ACTN2: variants seen among roughly 807,000 people sequenced by gnomAD.
The protein encoded by ACTN2 is alpha-actinin-2.
ACTN2 carries 39 observed loss-of-function variants against 113.8 expected under a neutral mutation model. That is an observed-to-expected ratio of 0.34 (90% CI 0.27 to 0.45). ACTN2 has a LOEUF of 0.45. Among genes scored for constraint, ACTN2 ranks in the 20% least tolerant of loss-of-function variants. The probability of loss-of-function intolerance (pLI) is 1.00; values close to 1 mark genes in which losing one functional copy is unlikely to be tolerated. For missense variants in ACTN2, 992 were observed against 1,177.9 expected (o/e 0.84, Z 2.31); for synonymous variants, 429 against 444.1 (o/e 0.97, Z 0.43).
chr1:236,701,735 G>A (rs1011174473), intron 1 of ACTN2, among the ~76,000 whole-genome samples: 2 of 152,204 alleles, frequency 1.3e-5, no homozygotes, highest in African/African-American at 4.8e-5. Flanking sequence ...AGTCCTGTCT[G>A]TAGATTTGCT....
Position 236,686,619 on chromosome 1 carries a change from A to C in ACTN2, c.-55A>C. 1 of 1,500,560 alleles carries C rather than the reference A, an allele frequency of 6.7e-7. No individual in the cohort carries two copies. The allele number at this position is 1,500,560 out of a possible 1,614,324, so 93.0% of individuals were successfully genotyped here. On this transcript the variant is annotated 5_prime_UTR_variant, in exon 1 of 21. Coordinates refer to ENST00000366578, the MANE Select transcript of ACTN2 (RefSeq NM_001103.4). The stretch of plus-strand genomic sequence containing the variant: ...GCCTCCGTGGGTCCGTTTGCCAGTC[A>C]GCCCGTGCGTCCGAGCCCCTCGCGC...
chr1:236,701,377 G>A (rs1372810409), intron 1 of ACTN2, among the ~76,000 whole-genome samples: 4 of 151,986 alleles, frequency 2.6e-5, no homozygotes, highest in African/African-American at 7.3e-5. Flanking sequence ...TGAGATATAT[G>A]TATATATATC....
Position 236,755,077 on chromosome 1 carries a change from T to G in ACTN2, c.2033T>G (p.Leu678Arg). Residue 678 changes from leucine to arginine, a missense_variant, in exon 17 of 21, where the codon CTG becomes CGG. This residue lies in a region of ACTN2 where 736 missense variants were observed against 815.4 expected (regional missense o/e 0.90). Coordinates refer to ENST00000366578, the MANE Select transcript of ACTN2 (RefSeq NM_001103.4). ...GCCCTGGAAGACCAGATGAACCAGC[T>G]GAAGCAGTATGAGCACAACATCATC... ...TGALEDQMNQ[L>R]KQYEHNIINY... 2 of 1,614,212 alleles carry G rather than the reference T, an allele frequency of 1.2e-6. No homozygotes were observed. Among genetic ancestry groups the G allele is most frequent in the Non-Finnish European group, 1.7e-6 (2 of 1,180,042 alleles).
rs139694189 is a variant in ACTN2 at position 236,731,633 on chromosome 1, T to G, written c.697+319T>G. ...AAAAAAACATTTCCTGTATTTATTTTTTCCAACAACATAATGTTTTCTCCC... is the reference window on the plus strand; with the variant it reads ...AAAAAAACATTTCCTGTATTTATTTGTTCCAACAACATAATGTTTTCTCCC... On this transcript the variant is annotated intron_variant, in intron 7 of 20. Coordinates refer to ENST00000366578, the MANE Select transcript of ACTN2 (RefSeq NM_001103.4). 6.5e-3 allele frequency among the ~76,000 whole-genome samples: 983 copies of G among 152,362 alleles called. 10 individuals carry two copies. Among genetic ancestry groups the G allele is most frequent in the African/African-American group, 0.022 (914 of 41,588 alleles).
At position 236,757,572 on chromosome 1, in the gene ACTN2, G is replaced by A. The variant is rs767011628; in HGVS notation, c.2241G>A (p.Ala747=). The change falls in exon 18 of 21, where the codon GCG becomes GCA. Residue 747 remains alanine (A), a synonymous_variant. Coordinates refer to ENST00000366578, the MANE Select transcript of ACTN2 (RefSeq NM_001103.4). ...AGACTCAGATCCTGACGAGAGATGC[G>A]AAGGGCATCACCCAGGAGCAGATGA... The part of the protein sequence containing the change: ...EVETQILTRD[A]KGITQEQMNE... 13 of 1,614,050 alleles carry A rather than the reference G, an allele frequency of 8.1e-6. No individual in the cohort carries two copies. Among genetic ancestry groups the A allele is most frequent in the Admixed American group, 3.3e-5 (2 of 59,998 alleles).
chr1:236,757,707 C>G (rs1053950770), intron 18 of ACTN2, 75 bp downstream of exon 18: 1 of 1,570,360 alleles, frequency 6.4e-7, no homozygotes, highest in Non-Finnish European at 8.8e-7. Context: ...TGCATGCTCT[C>G]GTTTTAAGTC....
At chr1:236,723,586 C>T (rs1169969321) in intron 4 of ACTN2, among the ~76,000 whole-genome samples, 1 of 152,136 alleles carries the variant, frequency 6.6e-6, no homozygotes, top group Non-Finnish European at 1.5e-5. Context: ...CTGCCTTAGC[C>T]TCCCAAGTAG....
chr1:236,741,058 T>A (rs1659053625), intron 10 of ACTN2, among the ~76,000 whole-genome samples: 1 of 152,150 alleles, frequency 6.6e-6, no homozygotes, highest in Admixed American at 6.5e-5. Context: ...TTTTCCTTTT[T>A]TTTAAAAACA....
rs1659788848 is a variant in ACTN2 at position 236,764,417 on chromosome 1, A to G, written c.*1798A>G. 1 of 152,198 alleles carries G rather than the reference A, an allele frequency of 6.6e-6. No homozygotes were observed. Among genetic ancestry groups the G allele is most frequent in the Non-Finnish European group, 1.5e-5 (1 of 68,034 alleles). 9.4% of individuals were successfully genotyped at this position (152,198 alleles called of 1,614,324 possible). On this transcript the variant is annotated 3_prime_UTR_variant, in exon 21 of 21. Coordinates refer to ENST00000366578, the MANE Select transcript of ACTN2 (RefSeq NM_001103.4). The stretch of plus-strand genomic sequence containing the variant: ...GTTTTAGGATGGGTGTGGGTAACTC[A>G]TCTACCTAAACTTTTAATTTCTTTA...
intron 1 of ACTN2, among the ~76,000 whole-genome samples, chr1:236,689,936 TAACTG>T (rs1030867911): frequency 1.8e-4 from 28 of 152,342 alleles, no homozygotes; most frequent in African/African-American, 6.7e-4. Flanking sequence ...ACGCTGTCCT[TAACTG>T]TACTGGGAGG....
chr1:236,749,377 A>G (rs1426006838), intron 14 of ACTN2, 113 bp downstream of exon 14: 10 of 1,434,844 alleles, frequency 7.0e-6, no homozygotes, highest in Middle Eastern at 2.1e-4. Context: ...AAATTAACAA[A>G]TGTGGCTAGA....
intron 1 of ACTN2, among the ~76,000 whole-genome samples, chr1:236,713,201 T>A (rs563906719): frequency 6.6e-6 from 1 of 151,822 alleles, no homozygotes; most frequent in East Asian, 1.9e-4. Context: ...GAATGATCTC[T>A]AGGTTATATA....
At position 236,712,360 on chromosome 1, in the gene ACTN2, C is replaced by T. The variant is rs574765048; in HGVS notation, c.127-5498C>T. Among the ~76,000 whole-genome samples, 158 of 152,260 alleles carry T rather than the reference C, an allele frequency of 1.0e-3. 1 individual carries two copies. The South Asian group carries it at 0.011, about 10-fold the overall frequency. On this transcript the variant is annotated intron_variant, in intron 1 of 20. Coordinates refer to ENST00000366578, the MANE Select transcript of ACTN2 (RefSeq NM_001103.4). ...CTCTTTATAAGCTATTACCACAGAA[C>T]AGCTGGAGTCTTTTTTCTGCATTTA...
chr1:236,750,915 C>T (rs1659373763), intron 14 of ACTN2, among the ~76,000 whole-genome samples: 1 of 149,874 alleles, frequency 6.7e-6, no homozygotes, highest in Non-Finnish European at 1.5e-5. Context: ...ATAATGAGAC[C>T]CTGTCTCTGC....
Position 236,709,220 on chromosome 1 carries a change from G to GTGTGTA in ACTN2, c.127-8637_127-8636insGTGTAT, listed in dbSNP as rs1275373436. Among the ~76,000 whole-genome samples, 432 of 66,826 alleles carry GTGTGTA rather than the reference G, an allele frequency of 6.5e-3. 2 individuals carry two copies. Among genetic ancestry groups the GTGTGTA allele is most frequent in the Middle Eastern group, 9.3e-3 (1 of 108 alleles). The allele number at this position is 66,826 out of a possible 152,430, so 43.8% of individuals were successfully genotyped here. ...ATAAAGCTGATCATGACAAATGACT[G>GTGTGTA]TATATATATATATATATATATATAT... On this transcript the variant is annotated intron_variant, in intron 1 of 20. Transcript: ENST00000366578.
intron 9 of ACTN2, 150 bp downstream of exon 9, chr1:236,737,364 T>G (rs1332577656): frequency 2.6e-5 from 7 of 266,954 alleles, no homozygotes; most frequent in African/African-American, 8.6e-5. Flanking sequence ...AAAATACACT[T>G]GATCTCTGAG....
chr1:236,703,194 T>C (rs1358465052), intron 1 of ACTN2, among the ~76,000 whole-genome samples: 1 of 152,170 alleles, frequency 6.6e-6, no homozygotes, highest in Non-Finnish European at 1.5e-5. Context: ...ACAAGTTATT[T>C]TGAGAAGCAT....
chr1:236,763,886 T>C lies in ACTN2; in HGVS notation c.*1267T>C, dbSNP rs1659778138. ...TTGCTCATACTGCTGTAGGCTATAA[T>C]TCCCCCCTGTTTTTCCATCTTGTTG... On this transcript the variant is annotated 3_prime_UTR_variant, in exon 21 of 21. Coordinates refer to ENST00000366578, the MANE Select transcript of ACTN2 (RefSeq NM_001103.4). The C allele has an allele frequency of 6.6e-6, 1 of 152,212 alleles. No individual in the cohort carries two copies. The highest frequency in any genetic ancestry group is 2.4e-5 in the African/African-American group (1 of 41,462). The allele number at this position is 152,212 out of a possible 1,614,324, so 9.4% of individuals were successfully genotyped here.
intron 7 of ACTN2, among the ~76,000 whole-genome samples, chr1:236,732,788 C>A (rs551710242): frequency 6.6e-6 from 1 of 152,232 alleles, no homozygotes; most frequent in South Asian, 2.1e-4. Context: ...GCATTAAGGG[C>A]CCATCCTACT....
Sources: gnomAD v4.1 joint callset for allele counts (sites outside exome capture counted in the v4.1 genomes callset) on GRCh38, gnomAD v4.1.1 for gene constraint, gnomAD v4.1.1 regional missense constraint, MANE v1.5 for transcripts, NCBI Gene and HGNC (gene_info 2026-07-23, HGNC 2026-07-21) for gene names.